BACH1: variants seen among roughly 807,000 people sequenced by gnomAD.
The protein encoded by BACH1 is BTB domain and CNC homolog 1.
A neutral mutation model predicts 52.9 loss-of-function variants in BACH1; 35 were observed. That is an observed-to-expected ratio of 0.66 (90% CI 0.51 to 0.88). The LOEUF is 0.88. Ranked by LOEUF, BACH1 falls within the 40% of genes least tolerant of loss-of-function variation. BACH1 has a pLI of 0.00. For missense variants in BACH1, 808 were observed against 872.6 expected (o/e 0.93, Z 0.93); for synonymous variants, 321 against 319.6 (o/e 1.00, Z -0.05).
intron 2 of BACH1, chr21:29,361,304 C>T (rs2089270302): frequency 6.6e-6 from 1 of 152,150 alleles, no homozygotes; most frequent in African/African-American, 2.4e-5. Flanking sequence ...GCTCCACCAA[C>T]AATAATTGGG....
At position 29,360,855 on chromosome 21, in the gene BACH1, A is replaced by C. The variant is rs535854372; in HGVS notation, c.472+31162A>C. Among the ~76,000 whole-genome samples, 871 of 151,412 alleles carry C rather than the reference A, an allele frequency of 5.8e-3. 10 individuals carry two copies. Among genetic ancestry groups the C allele is most frequent in the African/African-American group, 0.02 (833 of 41,306 alleles). ...AGCAAGACCCTGTCTCAAAAAAAAA[A>C]AAAAAACAAAAAAAAACCCCACATG... On this transcript the variant is annotated intron_variant, in intron 2 of 4. Transcript: ENST00000422809.
intron 1 of BACH1, among the ~76,000 whole-genome samples, chr21:29,316,430 T>G (rs1331418062): frequency 6.6e-6 from 1 of 152,232 alleles, no homozygotes; most frequent in Non-Finnish European, 1.5e-5. Context: ...ACTTTTATTT[T>G]GAATGATAAC....
intron 2 of BACH1, among the ~76,000 whole-genome samples, chr21:29,355,770 G>T (rs1035324381): frequency 1.3e-5 from 2 of 152,232 alleles, no homozygotes; most frequent in Admixed American, 1.3e-4. Context: ...TAGCAAGATG[G>T]CTGCCACAGG....
At chr21:29,318,989 G>A (rs2088818849) in intron 1 of BACH1, among the ~76,000 whole-genome samples, 1 of 152,120 alleles carries the variant, frequency 6.6e-6, no homozygotes, top group East Asian at 1.9e-4. Flanking sequence ...TAAAAAAAAT[G>A]TCTGGTGGCA....
chr21:29,321,253 A>G lies in BACH1; in HGVS notation c.-28A>G. On this transcript the variant is annotated 5_prime_UTR_variant, in exon 2 of 5. Transcript: ENST00000286800. ...ATAATTAGAAGCATGCTTTCCACTG[A>G]ACTTCCCGACAACATTTGTTATGCA... 6.4e-7 allele frequency: 1 copy of G among 1,572,098 alleles called. No individual in the cohort carries two copies. Among genetic ancestry groups the G allele is most frequent in the Non-Finnish European group, 8.8e-7 (1 of 1,142,352 alleles).
At chr21:29,353,736 C>T (rs769544112) in intron 2 of BACH1, among the ~76,000 whole-genome samples, 20 of 152,180 alleles carry the variant, frequency 1.3e-4, no homozygotes, top group Non-Finnish European at 2.1e-4. Flanking sequence ...AAAGCCTTGA[C>T]ATGAGTCACC....
chr21:29,327,262 A>G lies in BACH1; in HGVS notation c.1438A>G (p.Asn480Asp). 1 of 1,614,230 alleles carries G rather than the reference A, an allele frequency of 6.2e-7. No homozygotes were observed. The highest frequency in any genetic ancestry group is 1.6e-4 in the Middle Eastern group (1 of 6,062). ...EGCSSNLEIG[N>D]DDYVSEPQQE... ...CTGTTCAAGCAATTTGGAAATTGGA[A>G]ACGATGATTATGTTTCAGAACCCCA... The change falls in exon 3 of 5, where the codon AAC becomes GAC. Residue 480 changes from asparagine to aspartate, a missense_variant. Transcript: ENST00000286800.
chr21:29,336,332 A>G (rs2089043566), intron 4 of BACH1, among the ~76,000 whole-genome samples: 1 of 152,174 alleles, frequency 6.6e-6, no homozygotes, highest in Non-Finnish European at 1.5e-5. Flanking sequence ...TTAAACATTC[A>G]CTGGTGTTGT....
chr21:29,342,819 A>T lies in BACH1; in HGVS notation c.2197A>T (p.Thr733Ser), dbSNP rs767376263. The T allele has an allele frequency of 6.3e-7, 1 of 1,588,282 alleles. No homozygotes were observed. Among genetic ancestry groups the T allele is most frequent in the South Asian group, 1.1e-5 (1 of 89,410 alleles). Residue 733 changes from threonine to serine, a missense_variant, in exon 5 of 5, where the codon ACT (threonine) becomes TCT (serine). Transcript: ENST00000286800. Reference protein sequence around the residue: ...DFCQQMTDKCTTDE With the variant: ...DFCQQMTDKCSTDE ...CTGTCAGCAGATGACTGATAAATGT[A>T]CTACTGATGAGTAAACTTGCATTCA...
At chr21:29,336,692 T>C (rs1325352446) in intron 4 of BACH1, among the ~76,000 whole-genome samples, 1 of 151,896 alleles carries the variant, frequency 6.6e-6, no homozygotes, top group Non-Finnish European at 1.5e-5. Context: ...TGAAACAGAG[T>C]CTCACTCTGT....
rs200402827 is a variant in BACH1 at position 29,342,887 on chromosome 21, G to A, written c.*54G>A. On this transcript the variant is annotated 3_prime_UTR_variant, in exon 5 of 5. Coordinates refer to ENST00000286800, the MANE Select transcript of BACH1 (RefSeq NM_001186.4). ...AATTTTCTCCTGAAGTTTTGGCAGC[G>A]TCTTGAAAGCCTAATATGACCATCT... 59 of 1,502,780 alleles carry A rather than the reference G, an allele frequency of 3.9e-5. No homozygotes were observed. The African/African-American group carries it at 5.3e-4, about 13-fold the overall frequency. The allele number at this position is 1,502,780 out of a possible 1,614,324, so 93.1% of individuals were successfully genotyped here. A position where few individuals can be genotyped will look rare whatever the true frequency, so the allele number is the denominator to read the frequency against.
chr21:29,329,043 C>T (rs954725505), intron 3 of BACH1, among the ~76,000 whole-genome samples: 1 of 152,184 alleles, frequency 6.6e-6, no homozygotes, highest in Admixed American at 6.5e-5. Context: ...CACAGTGGCT[C>T]ATGCCTGTAA....
rs2239572 is a variant in BACH1, at chr21:29,327,521, A to G, written c.1569+128A>G. On this transcript the variant is annotated intron_variant, in intron 3 of 4. Transcript: ENST00000286800. ...GGAGTGGGGAGGAAACTCATACAAAATTAATTGTAAGACTGTGTGATAGGG... is the reference window on the plus strand; with the variant it reads ...GGAGTGGGGAGGAAACTCATACAAAGTTAATTGTAAGACTGTGTGATAGGG... 0.014 allele frequency: 18,740 copies of G among 1,295,872 alleles called. 1,595 individuals carry two copies. In the African/African-American group the frequency reaches 0.21, roughly 15 times the overall value. The allele number at this position is 1,295,872 out of a possible 1,614,324, so 80.3% of individuals were successfully genotyped here.
rs1321930059 is a variant in BACH1, at chr21:29,326,607, T to A, written c.783T>A (p.Asn261Lys). ...ASVQPNERSE[N>K]ECLGGVPECR... ...TTCAGCCAAATGAAAGGTCTGAAAA[T>A]GAATGCCTGGGAGGAGTCCCGGAGT... The change falls in exon 3 of 5, where the codon AAT becomes AAA. Residue 261 changes from asparagine to lysine, a missense_variant. Transcript: ENST00000286800. The A allele has an allele frequency of 1.2e-6, 2 of 1,614,002 alleles. No homozygotes were observed. The highest frequency in any genetic ancestry group is 1.7e-6 in the Non-Finnish European group (2 of 1,180,014).
intron 2 of BACH1, among the ~76,000 whole-genome samples, chr21:29,322,839 G>A (rs572037709): frequency 6.6e-5 from 10 of 152,262 alleles, no homozygotes; most frequent in Admixed American, 2.0e-4. Context: ...GGTAAAAAAG[G>A]CCAACCTATG....
At chr21:29,321,711 G>C (rs1309058049) in intron 2 of BACH1, among the ~76,000 whole-genome samples, 197 bp downstream of exon 2, 1 of 146,728 alleles carries the variant, frequency 6.8e-6, no homozygotes, top group Non-Finnish European at 1.5e-5. Context: ...TAACATTACT[G>C]AGCAGTTGGA....
In BACH1 at chr21:29,326,639, A is replaced by C; in HGVS notation, c.815A>C (p.Asp272Ala). The C allele has an allele frequency of 6.2e-7, 1 of 1,614,078 alleles. No homozygotes were observed. The highest frequency in any genetic ancestry group is 8.5e-7 in the Non-Finnish European group (1 of 1,179,998). ...ECLGGVPECR[D>A]LQVMLKCDES... ...CTGGGAGGAGTCCCGGAGTGTAGAG[A>C]TTTGCAGGTGATGTTAAAATGTGAC... The change falls in exon 3 of 5, where the codon GAT becomes GCT. Residue 272 changes from aspartate (D) to alanine (A), a missense_variant. By Grantham distance (126) the Asp-to-Ala change is moderately radical. Transcript: ENST00000286800.
intron 3 of BACH1, among the ~76,000 whole-genome samples, chr21:29,329,229 G>A (rs1478434672): frequency 6.6e-6 from 1 of 152,176 alleles, no homozygotes; most frequent in Non-Finnish European, 1.5e-5. Context: ...GATCGCTTGA[G>A]CCTAGGAGGT....
Position 29,356,592 on chromosome 21 carries a change from G to A in BACH1, c.472+26899G>A, listed in dbSNP as rs567570988. ...CTGAAGGGAGTTCCTCCTAGATCTG[G>A]TCAGACCTTTGTATGGTAATTAATT... On this transcript the variant is annotated intron_variant, in intron 2 of 4. Coordinates refer to the BACH1 transcript ENST00000422809. Among the ~76,000 whole-genome samples the A allele has an allele frequency of 6.6e-5, 10 of 152,318 alleles. No individual in the cohort carries two copies. In the East Asian group the frequency reaches 1.9e-3, roughly 29 times the overall value.
Sources: allele counts gnomAD v4.1 joint callset (sites outside exome capture counted in the v4.1 genomes callset), GRCh38; gene constraint gnomAD v4.1.1; transcripts MANE v1.5; gene names NCBI Gene and HGNC (gene_info 2026-07-23, HGNC 2026-07-21).